CNTNAP5: variants seen among roughly 807,000 people sequenced by gnomAD.
The protein encoded by CNTNAP5 is contactin associated protein family member 5, also known as contactin-associated protein-like 5.
Under a neutral mutation model 150.2 loss-of-function variants are expected in CNTNAP5, and 72 were observed. The ratio of observed to expected loss-of-function variants is 0.48; its 90% CI spans 0.40 to 0.58. The LOEUF (loss-of-function observed/expected upper bound fraction) is 0.58, where lower values mean the gene tolerates loss of function less well. Ranked by LOEUF, CNTNAP5 falls within the 20% of genes least tolerant of loss-of-function variation. The pLI, the probability that CNTNAP5 is intolerant of heterozygous loss-of-function variation, is 0.00. For missense variants in CNTNAP5, 1,636 were observed against 1,626.2 expected, an observed-to-expected ratio of 1.01 and a Z score of -0.10; for synonymous variants, 672 against 619.8, an observed-to-expected ratio of 1.08 and a Z score of -1.25.
intron 3 of CNTNAP5, among the ~76,000 whole-genome samples, chr2:124,352,029 C>T (rs1293919396): frequency 6.6e-6 from 1 of 151,948 alleles, no homozygotes; most frequent in East Asian, 1.9e-4. Context: ...GACAGCTGAG[C>T]TATAATAGTG....
At chr2:124,525,978 G>T (rs1244285776) in intron 9 of CNTNAP5, among the ~76,000 whole-genome samples, 1 of 152,094 alleles carries the variant, frequency 6.6e-6, no homozygotes, top group Admixed American at 6.6e-5. Context: ...AAGGGTGTTG[G>T]GGTCCGAAAA....
At chr2:124,531,731 G>A (rs1695113604) in intron 10 of CNTNAP5, among the ~76,000 whole-genome samples, 1 of 152,136 alleles carries the variant, frequency 6.6e-6, no homozygotes, top group African/African-American at 2.4e-5. Context: ...GTACTATCTA[G>A]CAAGGAGGCA....
At chr2:124,345,718 AC>A (rs1689722132) in intron 3 of CNTNAP5, among the ~76,000 whole-genome samples, 1 of 152,192 alleles carries the variant, frequency 6.6e-6, no homozygotes, top group African/African-American at 2.4e-5. Context: ...GAAAATAAGG[AC>A]AGAGTTGAAG....
At chr2:124,419,153 A>AAAAACAAAAAAC (rs1553466549) in intron 4 of CNTNAP5, among the ~76,000 whole-genome samples, 1 of 76,402 alleles carries the variant, frequency 1.3e-5, no homozygotes, top group Non-Finnish European at 2.6e-5. Context: ...AAAAAAAAAA[A>AAAAACAAAAAAC]AAAAAAAAAA....
chr2:124,351,773 A>T (rs1689879881), intron 3 of CNTNAP5, among the ~76,000 whole-genome samples: 1 of 152,198 alleles, frequency 6.6e-6, no homozygotes, highest in Non-Finnish European at 1.5e-5. Context: ...ACTTGGGAAT[A>T]AAAGGAGATC....
chr2:124,277,796 A>C (rs1045677163), intron 3 of CNTNAP5, among the ~76,000 whole-genome samples: 1 of 152,170 alleles, frequency 6.6e-6, no homozygotes, highest in Non-Finnish European at 1.5e-5. Flanking sequence ...GGCAAACATC[A>C]AGAAACTAGT....
At chr2:124,598,851 C>T (rs918006773) in intron 11 of CNTNAP5, among the ~76,000 whole-genome samples, 13 of 152,142 alleles carry the variant, frequency 8.5e-5, no homozygotes, top group Non-Finnish European at 1.6e-4. Context: ...TTGTGGTGCG[C>T]CGTTTTTTAA....
At chr2:124,867,349 G>C (rs1042604325) in intron 20 of CNTNAP5, among the ~76,000 whole-genome samples, 3 of 152,074 alleles carry the variant, frequency 2.0e-5, no homozygotes, top group Admixed American at 6.6e-5. Flanking sequence ...TTATATGCTT[G>C]TTCTTCATAT....
intron 1 of CNTNAP5, among the ~76,000 whole-genome samples, chr2:124,180,840 G>A (rs1389087318): frequency 7.0e-6 from 1 of 142,260 alleles, no homozygotes; most frequent in Non-Finnish European, 1.5e-5. Context: ...TCCCCTGCCA[G>A]CTCATTTCCT....
At chr2:124,065,649 CTTATCA>C (rs1302871883) in intron 1 of CNTNAP5, among the ~76,000 whole-genome samples, 1 of 152,120 alleles carries the variant, frequency 6.6e-6, no homozygotes, top group Non-Finnish European at 1.5e-5. Context: ...AAAACTGAAA[CTTATCA>C]TTATAATAAC....
intron 3 of CNTNAP5, among the ~76,000 whole-genome samples, chr2:124,270,944 A>C (rs1413950698): frequency 6.6e-6 from 1 of 152,108 alleles, no homozygotes; most frequent in East Asian, 1.9e-4. Flanking sequence ...AATCCCATCA[A>C]GCGAAGTTTT....
At chr2:124,081,000 A>G (rs1682548482) in intron 1 of CNTNAP5, among the ~76,000 whole-genome samples, 1 of 152,188 alleles carries the variant, frequency 6.6e-6, no homozygotes. Context: ...ATAAAACTTT[A>G]CAGTTGCAAT....
At chr2:124,057,122 G>A (rs553635020) in intron 1 of CNTNAP5, among the ~76,000 whole-genome samples, 2 of 152,208 alleles carry the variant, frequency 1.3e-5, no homozygotes, top group East Asian at 3.9e-4. Flanking sequence ...AAGGACCCAG[G>A]TATGGAATGC....
intron 16 of CNTNAP5, among the ~76,000 whole-genome samples, chr2:124,771,854 C>T (rs1443360471): frequency 6.6e-6 from 1 of 151,872 alleles, no homozygotes; most frequent in Non-Finnish European, 1.5e-5. Flanking sequence ...ACCACCACTG[C>T]CAGTGCCATC....
intron 20 of CNTNAP5, 82 bp from the exon 21 acceptor site, chr2:124,869,593 A>C: frequency 4.6e-6 from 4 of 863,548 alleles, no homozygotes; most frequent in Non-Finnish European, 5.7e-6. Flanking sequence ...GCATTTTTTC[A>C]AGCTATTTCC....
At chr2:124,177,515 T>C (rs536785441) in intron 1 of CNTNAP5, among the ~76,000 whole-genome samples, 10 of 152,304 alleles carry the variant, frequency 6.6e-5, no homozygotes, top group Middle Eastern at 3.4e-3. Flanking sequence ...TATCTAGATA[T>C]GCCATTTCTT....
At chr2:124,170,155 G>A (rs1161999789) in intron 1 of CNTNAP5, among the ~76,000 whole-genome samples, 1 of 152,120 alleles carries the variant, frequency 6.6e-6, no homozygotes, top group Non-Finnish European at 1.5e-5. Flanking sequence ...AGGATCTGAG[G>A]ACAAGAACTG....
intron 1 of CNTNAP5, among the ~76,000 whole-genome samples, chr2:124,160,011 A>G (rs772801253): frequency 6.6e-6 from 1 of 152,188 alleles, no homozygotes. Flanking sequence ...GACATAGTGT[A>G]TTGTCTGTGT....
At chr2:124,197,236 C>T (rs1685608501) in intron 1 of CNTNAP5, among the ~76,000 whole-genome samples, 1 of 152,160 alleles carries the variant, frequency 6.6e-6, no homozygotes, top group South Asian at 2.1e-4. Flanking sequence ...CTTCCTCCAC[C>T]TTTGCAGATC....
Sources: allele counts gnomAD v4.1 joint callset (sites outside exome capture counted in the v4.1 genomes callset), GRCh38; gene constraint gnomAD v4.1.1; transcripts MANE v1.5; gene names NCBI Gene and HGNC (gene_info 2026-07-23, HGNC 2026-07-21).